Variants in ADAMTSL3 observed in about 807,000 individuals in gnomAD.
The protein encoded by ADAMTSL3 is ADAMTS like 3.
In ADAMTSL3, 128 loss-of-function variants were observed where a neutral mutation model predicts 201.7. That is an observed-to-expected ratio of 0.63 (90% CI 0.55 to 0.73). ADAMTSL3 has a LOEUF of 0.73. Among genes scored for constraint, ADAMTSL3 ranks in the 30% least tolerant of loss-of-function variants. ADAMTSL3 has a pLI of 0.00. For synonymous variants in ADAMTSL3, 738 were observed against 748.4 expected, an observed-to-expected ratio of 0.99 and a Z score of 0.23; for missense variants, 1,990 against 2,119.6, an observed-to-expected ratio of 0.94 and a Z score of 1.20.
At chr15:83,777,200 C>T (rs889797640) in intron 4 of ADAMTSL3, among the ~76,000 whole-genome samples, 1 of 152,244 alleles carries the variant, frequency 6.6e-6, no homozygotes, top group Admixed American at 6.5e-5. Flanking sequence ...CCCCTAGCTG[C>T]ACTGCCTCTG....
chr15:84,012,825 A>C (rs1287342348), intron 23 of ADAMTSL3, among the ~76,000 whole-genome samples: 2 of 152,224 alleles, frequency 1.3e-5, no homozygotes, highest in African/African-American at 4.8e-5. Context: ...CTCAGACTCC[A>C]ATTTTGAAAA....
At chr15:84,019,076 T>TACACTCACAC (rs1555472420) in intron 25 of ADAMTSL3, among the ~76,000 whole-genome samples, 2 of 139,152 alleles carry the variant, frequency 1.4e-5, no homozygotes, top group African/African-American at 5.5e-5. Context: ...CACACACACA[T>TACACTCACAC]ACACACACAC....
chr15:83,980,936 T>C (rs1347083515), intron 20 of ADAMTSL3, among the ~76,000 whole-genome samples: 1 of 152,128 alleles, frequency 6.6e-6, no homozygotes, highest in Non-Finnish European at 1.5e-5. Context: ...GAAAGAGAAG[T>C]CTCAATCTGC....
intron 2 of ADAMTSL3, among the ~76,000 whole-genome samples, chr15:83,675,354 C>G (rs2061388274): frequency 6.6e-6 from 1 of 151,980 alleles, no homozygotes; most frequent in Admixed American, 6.6e-5. Flanking sequence ...GTGAAATGCT[C>G]TTTTCCGCAT....
At chr15:84,007,264 A>G (rs894634323) in intron 23 of ADAMTSL3, among the ~76,000 whole-genome samples, 1 of 152,202 alleles carries the variant, frequency 6.6e-6, no homozygotes, top group Non-Finnish European at 1.5e-5. Context: ...TGGAACAGAG[A>G]ACCACCTCGA....
intron 3 of ADAMTSL3, among the ~76,000 whole-genome samples, chr15:83,757,712 A>C (rs955763118): frequency 6.6e-6 from 1 of 152,150 alleles, no homozygotes; most frequent in Non-Finnish European, 1.5e-5. Context: ...TCAGGTTGCA[A>C]ATTTTCTGAA....
At chr15:83,865,270 G>T (rs1448438567) in intron 8 of ADAMTSL3, among the ~76,000 whole-genome samples, 1 of 152,096 alleles carries the variant, frequency 6.6e-6, no homozygotes, top group East Asian at 1.9e-4. Context: ...CTACTTTAAA[G>T]TTCATATGGA....
intron 23 of ADAMTSL3, among the ~76,000 whole-genome samples, chr15:84,000,739 G>A (rs372900797): frequency 1.6e-4 from 24 of 152,164 alleles, no homozygotes; most frequent in African/African-American, 5.8e-4. Flanking sequence ...GTAACAAAAA[G>A]GAAGGGCATT....
intron 13 of ADAMTSL3, among the ~76,000 whole-genome samples, chr15:83,896,097 A>G (rs1013857552): frequency 6.6e-6 from 1 of 152,168 alleles, no homozygotes; most frequent in African/African-American, 2.4e-5. Context: ...CTGGGAGGAA[A>G]TTCCACTCTG....
At chr15:83,788,470 T>C (rs963154260) in intron 4 of ADAMTSL3, among the ~76,000 whole-genome samples, 69 of 152,202 alleles carry the variant, frequency 4.5e-4, no homozygotes, top group African/African-American at 1.5e-3. Flanking sequence ...CTTCTCAAAC[T>C]TGAATGATGA....
chr15:83,965,787 A>G (rs1004400577), intron 19 of ADAMTSL3, among the ~76,000 whole-genome samples: 2 of 152,184 alleles, frequency 1.3e-5, no homozygotes, highest in Non-Finnish European at 1.5e-5. Flanking sequence ...TTGGAAGTAA[A>G]ACACTCCTCA....
At chr15:83,932,085 A>G (rs2066369633) in intron 17 of ADAMTSL3, among the ~76,000 whole-genome samples, 1 of 152,220 alleles carries the variant, frequency 6.6e-6, no homozygotes, top group Admixed American at 6.6e-5. Context: ...TTAACTACAA[A>G]CAACTTATCA....
At position 83,933,365 on chromosome 15, in the gene ADAMTSL3, T is replaced by C. The variant is rs142886070; in HGVS notation, c.2118-9231T>C. ...TGGAACTTTAAACCAGAGGGGGTGA[T>C]ATAGGATATCTTGCAGAAGAAATTT... On this transcript the variant is annotated intron_variant, in intron 17 of 29. Transcript: ENST00000286744. Among the ~76,000 whole-genome samples the C allele has an allele frequency of 1.0e-2, 1,522 of 152,300 alleles. 9 individuals carry two copies. Among genetic ancestry groups the C allele is most frequent in the Non-Finnish European group, 0.013 (898 of 68,030 alleles).
chr15:83,804,781 T>A, intron 5 of ADAMTSL3, 86 bp downstream of exon 5: 1 of 997,752 alleles, frequency 1.0e-6, no homozygotes, highest in South Asian at 1.8e-5. Context: ...CTAAAACTGA[T>A]GGTCTCTTAA....
At chr15:83,892,245 A>T (rs1406249940) in intron 12 of ADAMTSL3, among the ~76,000 whole-genome samples, 1 of 147,696 alleles carries the variant, frequency 6.8e-6, no homozygotes, top group Admixed American at 6.8e-5. Context: ...TTAAAATTTA[A>T]AAAAGGCTGG....
chr15:83,872,328 G>A lies in ADAMTSL3; in HGVS notation c.960+1369G>A, dbSNP rs76373653. On this transcript the variant is annotated intron_variant, in intron 9 of 29. Transcript: ENST00000286744. ...GTATTGTGTCCCTAACACTAAAGGC[G>A]TAAGTGGTTGGTTGCCATTCATCCT... is the stretch of plus-strand genomic sequence containing the variant. Among the ~76,000 whole-genome samples, 549 of 152,172 alleles carry A rather than the reference G, an allele frequency of 3.6e-3. 3 individuals carry two copies. The highest frequency in any genetic ancestry group is 0.013 in the African/African-American group (530 of 41,498).
chr15:83,818,023 G>A (rs182851812), intron 5 of ADAMTSL3, among the ~76,000 whole-genome samples: 64 of 152,066 alleles, frequency 4.2e-4, no homozygotes, highest in African/African-American at 1.5e-3. Flanking sequence ...AAAAGAAAAC[G>A]CAAACGAAAA....
intron 16 of ADAMTSL3, among the ~76,000 whole-genome samples, chr15:83,919,697 G>A (rs1028111967): frequency 1.1e-4 from 16 of 152,224 alleles, no homozygotes; most frequent in Middle Eastern, 3.4e-3. Flanking sequence ...GTGAAGGGTG[G>A]TGTTAATGTC....
chr15:83,695,088 T>G (rs2061661151), intron 2 of ADAMTSL3, among the ~76,000 whole-genome samples: 1 of 146,724 alleles, frequency 6.8e-6, no homozygotes, highest in South Asian at 2.3e-4. Flanking sequence ...GTGTGTGGGG[T>G]GTGTGTGTGG....
Sources: allele counts gnomAD v4.1 joint callset (sites outside exome capture counted in the v4.1 genomes callset), GRCh38; gene constraint gnomAD v4.1.1; transcripts MANE v1.5; gene names NCBI Gene and HGNC (gene_info 2026-07-23, HGNC 2026-07-21).